The following GPHN variants were observed in gnomAD, a reference collection of about 807,000 sequenced individuals.
The protein encoded by GPHN is gephyrin.
In GPHN, 17 loss-of-function variants were observed where a neutral mutation model predicts 95.5. The observed-to-expected ratio is 0.18, with a 90% CI of 0.12 to 0.27. GPHN has a LOEUF of 0.27. Ranked by LOEUF, GPHN falls within the 10% of genes least tolerant of loss-of-function variation. GPHN has a pLI of 1.00. For missense variants in GPHN, 660 were observed against 978.1 expected (o/e 0.67, Z 4.34); for synonymous variants, 320 against 322.5 (o/e 0.99, Z 0.08).
At chr14:67,381,713 C>A in the GPHN span, 2 of 1,552,344 alleles carry the variant, frequency 1.3e-6, no homozygotes, top group Non-Finnish European at 8.9e-7. Flanking sequence ...TTGTCTCCCT[C>A]CCTGCTGAAA....
chr14:67,138,060 G>T (rs2080207041), intron 17 of GPHN, among the ~76,000 whole-genome samples: 1 of 152,058 alleles, frequency 6.6e-6, no homozygotes. Context: ...TATAAATGCT[G>T]ATAAATAGCT....
the GPHN span, chr14:67,586,994 G>A: frequency 1.2e-5 from 19 of 1,529,568 alleles, no homozygotes; most frequent in Non-Finnish European, 1.8e-6. Context: ...CAGGAACTCA[G>A]CATAAGAGCT....
At chr14:66,531,752 A>G (rs2058948180) in intron 1 of GPHN, among the ~76,000 whole-genome samples, 1 of 152,208 alleles carries the variant, frequency 6.6e-6, no homozygotes, top group African/African-American at 2.4e-5. Flanking sequence ...AAGTATTTAT[A>G]ATGTTATGCT....
chr14:67,393,666 C>T, the GPHN span, among the ~76,000 whole-genome samples: 1 of 152,072 alleles, frequency 6.6e-6, no homozygotes, highest in Non-Finnish European at 1.5e-5. Flanking sequence ...GTTGACCAGG[C>T]TGGTCTCGAA....
At chr14:67,594,954 G>A in the GPHN span, among the ~76,000 whole-genome samples, 8 of 151,884 alleles carry the variant, frequency 5.3e-5, no homozygotes, top group African/African-American at 7.3e-5. Flanking sequence ...TCGAGACCAC[G>A]GTGAAACCCC....
At chr14:66,896,183 C>G (rs1158782806) in intron 5 of GPHN, among the ~76,000 whole-genome samples, 4 of 151,982 alleles carry the variant, frequency 2.6e-5, no homozygotes, top group Admixed American at 2.0e-4. Flanking sequence ...TAGATATCAG[C>G]ATATGAATTT....
chr14:67,092,455 C>G (rs2077185228), intron 12 of GPHN, among the ~76,000 whole-genome samples: 1 of 151,990 alleles, frequency 6.6e-6, no homozygotes, highest in Non-Finnish European at 1.5e-5. Flanking sequence ...TTAGGCCTTC[C>G]AGTAATAACC....
the GPHN span, among the ~76,000 whole-genome samples, chr14:67,607,989 C>T: frequency 1.3e-5 from 2 of 152,042 alleles, no homozygotes; most frequent in African/African-American, 4.8e-5. Context: ...GTAATCTCAG[C>T]ACTTTGGGAG....
the GPHN span, among the ~76,000 whole-genome samples, chr14:67,431,398 A>G: frequency 7.0e-6 from 1 of 142,376 alleles, no homozygotes; most frequent in East Asian, 2.3e-4. Context: ...TCTCAAAAAA[A>G]AAAAAAAAAA....
intron 8 of GPHN, among the ~76,000 whole-genome samples, chr14:66,937,050 C>T (rs1567124501): frequency 1.3e-5 from 2 of 152,136 alleles, no homozygotes; most frequent in Admixed American, 1.3e-4. Flanking sequence ...TCACCCATGT[C>T]GGAGTGCAGT....
intron 8 of GPHN, among the ~76,000 whole-genome samples, chr14:66,960,353 C>T (rs181110632): frequency 4.5e-4 from 67 of 149,816 alleles, no homozygotes; most frequent in African/African-American, 1.5e-3. Flanking sequence ...TTGTTGAAAA[C>T]TTGACATTTA....
At chr14:67,572,406 G>A in the GPHN span, 1 of 625,146 alleles carries the variant, frequency 1.6e-6, no homozygotes, top group South Asian at 2.0e-5. Context: ...ATGGGGGCAG[G>A]GGGCGTGGGC....
chr14:67,125,233 AGAATTTATAATTGTTCTAATG>A (rs2079230040), intron 17 of GPHN, among the ~76,000 whole-genome samples: 1 of 152,150 alleles, frequency 6.6e-6, no homozygotes, highest in South Asian at 2.1e-4. Flanking sequence ...GTGGGAGGAA[AGAATTTATAATTGTTCTAATG>A]GAAATCTGTG....
chr14:66,853,816 T>C (rs2062692019), intron 4 of GPHN, among the ~76,000 whole-genome samples: 1 of 152,238 alleles, frequency 6.6e-6, no homozygotes, highest in African/African-American at 2.4e-5. Context: ...ATCAGTTTTA[T>C]CAAAAACAGA....
chr14:67,451,349 C>A, the GPHN span, among the ~76,000 whole-genome samples: 8 of 152,188 alleles, frequency 5.3e-5, no homozygotes, highest in African/African-American at 1.9e-4. Context: ...ATCCTCCAGG[C>A]CCCAGAATGG....
chr14:66,652,217 G>A (rs1357958534), intron 1 of GPHN, among the ~76,000 whole-genome samples: 1 of 152,082 alleles, frequency 6.6e-6, no homozygotes. Flanking sequence ...GGTTACCAGG[G>A]AGATAGAGTG....
the GPHN span, chr14:67,333,018 T>G: frequency 2.9e-6 from 4 of 1,399,446 alleles, no homozygotes; most frequent in Non-Finnish European, 4.0e-6. Context: ...ATAGGAGGAC[T>G]GCCCGACACT....
intron 1 of GPHN, among the ~76,000 whole-genome samples, chr14:66,542,238 ATATCAAG>A (rs1448408952): frequency 2.6e-5 from 4 of 152,230 alleles, no homozygotes; most frequent in Non-Finnish European, 5.9e-5. Context: ...ATGGTCACAA[ATATCAAG>A]TATCAAGTGA....
chr14:67,160,489 T>G (rs1251222219), intron 19 of GPHN, among the ~76,000 whole-genome samples: 10 of 152,210 alleles, frequency 6.6e-5, no homozygotes, highest in African/African-American at 2.2e-4. Flanking sequence ...ATGGAGGTCC[T>G]GAAGTCAGTT....
Sources: allele counts gnomAD v4.1 joint callset (sites outside exome capture counted in the v4.1 genomes callset), GRCh38; gene constraint gnomAD v4.1.1; transcripts MANE v1.5; gene names NCBI Gene and HGNC (gene_info 2026-07-23, HGNC 2026-07-21).